The following GLDN variants were observed in gnomAD, a reference collection of about 807,000 sequenced individuals.
The protein encoded by GLDN is collomin.
GLDN carries 47 observed loss-of-function variants against 56.5 expected under a neutral mutation model. The ratio of observed to expected loss-of-function variants is 0.83; its 90% CI spans 0.66 to 1.06. GLDN has a LOEUF of 1.06. GLDN is among the 50% of genes least tolerant of loss of function. GLDN has a pLI of 0.00. For synonymous variants in GLDN, 332 were observed against 278.8 expected, an observed-to-expected ratio of 1.19 and a Z score of -1.90; for missense variants, 782 against 714.3, an observed-to-expected ratio of 1.09 and a Z score of -1.08.
intron 1 of GLDN, among the ~76,000 whole-genome samples, chr15:51,354,244 T>C (rs971821394): frequency 2.9e-4 from 44 of 152,198 alleles, no homozygotes; most frequent in African/African-American, 1.1e-3. Flanking sequence ...AAGTACTTTA[T>C]AATGAGTTGT....
At chr15:51,346,568 G>A (rs2036982178) in intron 1 of GLDN, among the ~76,000 whole-genome samples, 1 of 152,150 alleles carries the variant, frequency 6.6e-6, no homozygotes, top group Admixed American at 6.5e-5. Flanking sequence ...TTTAAAATAT[G>A]AAACTAAAGG....
chr15:51,351,176 C>T, intron 1 of GLDN: 1 of 295,564 alleles, frequency 3.4e-6, no homozygotes, highest in Non-Finnish European at 6.6e-6. Context: ...GATAGCTAGC[C>T]TTCTCTTAGA....
intron 1 of GLDN, among the ~76,000 whole-genome samples, chr15:51,355,199 C>T (rs2037151106): frequency 6.6e-6 from 1 of 152,104 alleles, no homozygotes; most frequent in Admixed American, 6.5e-5. Flanking sequence ...GCAGAGCAGC[C>T]CCAAAGGCTG....
intron 4 of GLDN, among the ~76,000 whole-genome samples, chr15:51,393,441 C>T (rs555330097): frequency 3.0e-4 from 45 of 152,226 alleles, no homozygotes; most frequent in African/African-American, 9.4e-4. Context: ...CCATGGTGGC[C>T]GTGGGAATGA....
At chr15:51,388,175 C>T (rs1461320740) in intron 4 of GLDN, among the ~76,000 whole-genome samples, 2 of 152,214 alleles carry the variant, frequency 1.3e-5, no homozygotes, top group Non-Finnish European at 2.9e-5. Flanking sequence ...GCCCCTGTCT[C>T]ACCTACTCTG....
chr15:51,395,703 T>A (rs1162273131), intron 5 of GLDN, among the ~76,000 whole-genome samples: 1 of 152,178 alleles, frequency 6.6e-6, no homozygotes, highest in Non-Finnish European at 1.5e-5. Flanking sequence ...GCTTAACACC[T>A]GTACTAGTCT....
intron 2 of GLDN, among the ~76,000 whole-genome samples, chr15:51,382,821 G>A (rs750688264): frequency 7.2e-5 from 11 of 152,122 alleles, no homozygotes; most frequent in South Asian, 2.1e-4. Flanking sequence ...TAGAATAGTC[G>A]ACAATAAGAC....
At chr15:51,411,723 T>C (rs984810008), downstream of GLDN, among the ~76,000 whole-genome samples, 3 of 152,350 alleles carry the variant, frequency 2.0e-5, no homozygotes, top group East Asian at 1.9e-4. Flanking sequence ...ACTTTTTCTT[T>C]TGTTCTCAAA....
At chr15:51,381,776 T>C (rs1254372331) in intron 2 of GLDN, among the ~76,000 whole-genome samples, 1 of 152,024 alleles carries the variant, frequency 6.6e-6, no homozygotes, top group African/African-American at 2.4e-5. Context: ...GGGTTTTTTT[T>C]TTTTCTGCAA....
chr15:51,392,996 G>T (rs1192125456), intron 4 of GLDN, among the ~76,000 whole-genome samples: 1 of 152,276 alleles, frequency 6.6e-6, no homozygotes, highest in East Asian at 1.9e-4. Flanking sequence ...CCCTTATCTT[G>T]TTTCTGATAT....
Position 51,341,840 on chromosome 15 carries a change from G to C in GLDN, c.156G>C (p.Glu52Asp). Residue 52 changes from glutamate to aspartate, a missense_variant, in exon 1 of 10, where the codon GAG (glutamate) becomes GAC (aspartate). Glu to Asp is a conservative substitution (Grantham distance 45, BLOSUM62 2). Transcript: ENST00000335449. ...TGAGCTCGGCGCTGCGGGCTTTGGAGGCGCAGCGGGGCCGGGAGCAGCGCG... is the reference window on the plus strand; with the variant it reads ...TGAGCTCGGCGCTGCGGGCTTTGGACGCGCAGCGGGGCCGGGAGCAGCGCG... ...RGLSSALRAL[E>D]AQRGREQRED... is the part of the protein sequence containing the mutation. 2 of 1,520,562 alleles carry C rather than the reference G, an allele frequency of 1.3e-6. No homozygotes were observed. Among genetic ancestry groups the C allele is most frequent in the Non-Finnish European group, 1.8e-6 (2 of 1,142,626 alleles). The allele number at this position is 1,520,562 out of a possible 1,614,324, so 94.2% of individuals were successfully genotyped here. A position where few individuals can be genotyped will look rare whatever the true frequency, so the allele number is the denominator to read the frequency against.
In GLDN at chr15:51,367,021, G is replaced by T. The variant is rs182035909; in HGVS notation, c.364-10428G>T. Among the ~76,000 whole-genome samples, 341 of 152,298 alleles carry T rather than the reference G, an allele frequency of 2.2e-3. 1 individual carries two copies. The highest frequency in any genetic ancestry group is 7.5e-3 in the African/African-American group (311 of 41,556). ...AGGACTTCTTAATTTAATCCTCATA[G>T]CCACTCCTTGGGTAAATACTGTCAC... On this transcript the variant is annotated intron_variant, in intron 1 of 9. Coordinates refer to ENST00000335449, the MANE Select transcript of GLDN (RefSeq NM_181789.4).
At chr15:51,373,061 T>C (rs981974767) in intron 1 of GLDN, among the ~76,000 whole-genome samples, 1 of 152,182 alleles carries the variant, frequency 6.6e-6, no homozygotes, top group African/African-American at 2.4e-5. Flanking sequence ...CCCAACACTG[T>C]TATGTTGGGG....
intron 1 of GLDN, among the ~76,000 whole-genome samples, chr15:51,372,730 C>T (rs1380935723): frequency 6.6e-6 from 1 of 152,228 alleles, no homozygotes; most frequent in African/African-American, 2.4e-5. Context: ...CCCACTTGAA[C>T]CACTTCTCAG....
chr15:51,377,857 T>C (rs1222319181), intron 2 of GLDN, among the ~76,000 whole-genome samples: 1 of 152,212 alleles, frequency 6.6e-6, no homozygotes, highest in Non-Finnish European at 1.5e-5. Context: ...GAAGTACTTA[T>C]TGGCCAGATT....
chr15:51,399,500 G>C (rs1415798384), intron 6 of GLDN, among the ~76,000 whole-genome samples: 1 of 152,152 alleles, frequency 6.6e-6, no homozygotes, highest in Non-Finnish European at 1.5e-5. Flanking sequence ...TTCATTAAGG[G>C]GGACACTGAT....
At chr15:51,368,170 C>CT (rs2037443466) in intron 1 of GLDN, among the ~76,000 whole-genome samples, 1 of 152,114 alleles carries the variant, frequency 6.6e-6, no homozygotes, top group South Asian at 2.1e-4. Context: ...ATGCTGAAGT[C>CT]TTTTTTGAGT....
chr15:51,341,900 G>C lies in GLDN; in HGVS notation c.216G>C (p.Leu72Phe). The change falls in exon 1 of 10, where the codon TTG becomes TTC. Residue 72 changes from leucine (L) to phenylalanine (F), a missense_variant. Leu to Phe is a conservative substitution (Grantham distance 22). Transcript: ENST00000335449. Reference sequence around the variant, plus strand: ...CCCTGCGCTCCTTCCTGGCCGAGTTGAGCCGCGCGCCGCGCGGGGCGTCCG... The same window carrying C: ...CCCTGCGCTCCTTCCTGGCCGAGTTCAGCCGCGCGCCGCGCGGGGCGTCCG... Reference protein sequence around the residue: ...DSALRSFLAELSRAPRGASAP... With the variant: ...DSALRSFLAEFSRAPRGASAP... The C allele has an allele frequency of 6.3e-7, 1 of 1,589,668 alleles. No homozygotes were observed. Among genetic ancestry groups the C allele is most frequent in the Non-Finnish European group, 8.5e-7 (1 of 1,175,806 alleles).
chr15:51,404,227 T>C, intron 9 of GLDN, 50 bp from the exon 10 acceptor site: 1 of 1,410,560 alleles, frequency 7.1e-7, no homozygotes. Flanking sequence ...AAACCACCTG[T>C]CCACAGAAAC....
Sources: gnomAD v4.1 joint callset for allele counts (sites outside exome capture counted in the v4.1 genomes callset) on GRCh38, gnomAD v4.1.1 for gene constraint, MANE v1.5 for transcripts, NCBI Gene and HGNC (gene_info 2026-07-23, HGNC 2026-07-21) for gene names.